Variants in GABRB3 observed in about 807,000 individuals in gnomAD.
GABRB3 encodes the protein gamma-aminobutyric acid receptor subunit beta-3.
Under a neutral mutation model 52.1 loss-of-function variants are expected in GABRB3, and 14 were observed. The ratio of observed to expected loss-of-function variants is 0.27; its 90% confidence interval spans 0.18 to 0.42. GABRB3 has a LOEUF of 0.42. GABRB3 is among the 10% of genes least tolerant of loss of function. GABRB3 has a pLI of 1.00. For synonymous variants in GABRB3, 260 were observed against 232.3 expected (o/e 1.12, Z -1.08); for missense variants, 307 against 609.1 (o/e 0.50, Z 5.22).
intron 3 of GABRB3, among the ~76,000 whole-genome samples, chr15:26,747,867 A>G (rs553869336): frequency 6.9e-6 from 1 of 145,440 alleles, no homozygotes; most frequent in South Asian, 2.1e-4. Context: ...ATTCTCCCCT[A>G]TTCTTTTTTT....
Position 26,545,639 on chromosome 15 carries a change from T to C in GABRB3, c.*2154A>G. 6.6e-6 allele frequency: 1 copy of C among 152,450 alleles called. No homozygotes were observed. The highest frequency in any genetic ancestry group is 1.9e-4 in the East Asian group (1 of 5,188). 9.4% of individuals were successfully genotyped at this position (152,450 alleles called of 1,614,324 possible). On this transcript the variant is annotated 3_prime_UTR_variant, in exon 9 of 9. Coordinates refer to ENST00000311550, the MANE Select transcript of GABRB3 (RefSeq NM_000814.6). ...AAGATACCTGAAGTATTGAAAGGGA[T>C]AAGGTCTTTGCAAATGTATTTTTTT... is the stretch of plus-strand genomic sequence containing the variant.
intron 3 of GABRB3, among the ~76,000 whole-genome samples, chr15:26,661,221 G>A (rs1192596220): frequency 6.6e-6 from 1 of 152,150 alleles, no homozygotes; most frequent in African/African-American, 2.4e-5. Context: ...ATTCTCAACT[G>A]AATTCTCAAC....
At chr15:26,702,796 T>C (rs899242336) in intron 3 of GABRB3, among the ~76,000 whole-genome samples, 4 of 152,266 alleles carry the variant, frequency 2.6e-5, no homozygotes, top group Non-Finnish European at 5.9e-5. Context: ...TAGTCAAACC[T>C]GGAGACAGCC....
rs117246726 is a variant in GABRB3 at position 26,616,369 on chromosome 15, A to G, written c.461+4945T>C. Among the ~76,000 whole-genome samples, 1,174 of 152,332 alleles carry G rather than the reference A, an allele frequency of 7.7e-3. 6 individuals are homozygous for G. Among genetic ancestry groups the G allele is most frequent in the Non-Finnish European group, 0.014 (949 of 68,028 alleles). ...CTCTTTTGTCCAGTAGTTCAAATCA[A>G]TCTCTAGAGCTACATGTTTTTTAAA... On this transcript the variant is annotated intron_variant, in intron 4 of 8. Coordinates refer to ENST00000311550, the MANE Select transcript of GABRB3 (RefSeq NM_000814.6).
At chr15:26,556,170 T>C (rs10444887) in intron 8 of GABRB3, among the ~76,000 whole-genome samples, 64,428 of 152,082 alleles carry the variant, frequency 0.42, 14,193 homozygotes, top group Non-Finnish European at 0.49. Context: ...ATTAGAACCA[T>C]TGATTTCAAT....
chr15:26,731,108 A>G (rs941574493), intron 3 of GABRB3, among the ~76,000 whole-genome samples: 3 of 152,042 alleles, frequency 2.0e-5, no homozygotes, highest in African/African-American at 7.2e-5. Context: ...TCAACAAATC[A>G]ATGACTATTT....
chr15:26,584,288 G>A (rs1890899477), intron 4 of GABRB3, among the ~76,000 whole-genome samples: 1 of 152,062 alleles, frequency 6.6e-6, no homozygotes, highest in South Asian at 2.1e-4. Context: ...TTGTCTATAG[G>A]CTCTCTAGCC....
At chr15:26,648,324 T>C (rs551079233) in intron 3 of GABRB3, among the ~76,000 whole-genome samples, 28 of 152,364 alleles carry the variant, frequency 1.8e-4, no homozygotes, top group Admixed American at 1.8e-3. Context: ...CTTTTCTTGC[T>C]TTTCAAGGCT....
At chr15:26,747,867 ATTCTT>A (rs1298156489) in intron 3 of GABRB3, among the ~76,000 whole-genome samples, 1 of 145,354 alleles carries the variant, frequency 6.9e-6, no homozygotes, top group Non-Finnish European at 1.5e-5. Flanking sequence ...ATTCTCCCCT[ATTCTT>A]TTTTTTTCTG....
chr15:26,555,082 GC>G (rs1434450182), intron 8 of GABRB3, among the ~76,000 whole-genome samples: 1 of 152,160 alleles, frequency 6.6e-6, no homozygotes, highest in Non-Finnish European at 1.5e-5. Flanking sequence ...TACTTGGGAG[GC>G]TGAGGCAGGA....
intron 3 of GABRB3, among the ~76,000 whole-genome samples, chr15:26,730,390 C>T (rs1003872346): frequency 7.1e-6 from 1 of 141,208 alleles, no homozygotes; most frequent in Non-Finnish European, 1.5e-5. Context: ...TGCACTCCAG[C>T]CTGGGCGACA....
chr15:26,769,698 A>G lies in GABRB3; in HGVS notation c.240+2704T>C, dbSNP rs143988926. On this transcript the variant is annotated intron_variant, in intron 3 of 8. Transcript: ENST00000311550. ...CATACCCCTCACACAATTTAAATAT[A>G]ATTTATTTCATGAAAGTTTCCACAT... Among the ~76,000 whole-genome samples the G allele has an allele frequency of 2.0e-5, 3 of 152,184 alleles. No homozygotes were observed. In the East Asian group the frequency reaches 5.8e-4, roughly 29 times the overall value.
intron 3 of GABRB3, chr15:26,624,318 C>T: frequency 1.0e-6 from 1 of 985,600 alleles, no homozygotes; most frequent in Non-Finnish European, 1.2e-6. Context: ...TACTATCACC[C>T]TCCATGTTAC....
intron 3 of GABRB3, among the ~76,000 whole-genome samples, chr15:26,732,028 T>C (rs940535081): frequency 6.6e-6 from 1 of 152,110 alleles, no homozygotes; most frequent in Non-Finnish European, 1.5e-5. Context: ...GTTGGATGGA[T>C]GGATGGGCGG....
chr15:26,590,381 A>T (rs948648767), intron 4 of GABRB3: 4 of 152,174 alleles, frequency 2.6e-5, no homozygotes, highest in Non-Finnish European at 5.9e-5. Context: ...TTAGCACCAC[A>T]GCCAAGGCAT....
intron 3 of GABRB3, among the ~76,000 whole-genome samples, chr15:26,628,589 GCTGCCC>G: frequency 6.6e-6 from 1 of 152,280 alleles, no homozygotes; most frequent in South Asian, 2.1e-4. Context: ...GGGAAGGGCG[GCTGCCC>G]CTGGAGGGCC....
At chr15:26,660,502 A>AGCAACTG (rs1379818069) in intron 3 of GABRB3, among the ~76,000 whole-genome samples, 2 of 152,210 alleles carry the variant, frequency 1.3e-5, no homozygotes, top group Non-Finnish European at 2.9e-5. Flanking sequence ...TAGAATGAAA[A>AGCAACTG]GCAACTGGCA....
intron 3 of GABRB3, among the ~76,000 whole-genome samples, chr15:26,663,539 TA>T (rs1385704553): frequency 1.3e-5 from 2 of 152,240 alleles, no homozygotes; most frequent in African/African-American, 4.8e-5. Context: ...TTTTAAAAGT[TA>T]GTGCCTGCAT....
At chr15:26,549,614 G>A (rs1889384662) in intron 8 of GABRB3, among the ~76,000 whole-genome samples, 1 of 152,130 alleles carries the variant, frequency 6.6e-6, no homozygotes, top group African/African-American at 2.4e-5. Flanking sequence ...CCCCTAGGTT[G>A]AAGGTCATGT....
Sources: allele counts gnomAD v4.1 joint callset (sites outside exome capture counted in the v4.1 genomes callset), GRCh38; gene constraint gnomAD v4.1.1; transcripts MANE v1.5; gene names NCBI Gene and HGNC (gene_info 2026-07-23, HGNC 2026-07-21).